The following SLC13A1 variants were observed in gnomAD, a reference collection of about 807,000 sequenced individuals.
SLC13A1 encodes Na(+)/sulfate cotransporter.
SLC13A1 carries 65 observed loss-of-function variants against 70.0 expected under a neutral mutation model. That is an observed-to-expected ratio of 0.93 (90% CI 0.76 to 1.14). The LOEUF (loss-of-function observed/expected upper bound fraction) is 1.14, where lower values mean the gene tolerates loss of function less well. Ranked by LOEUF, SLC13A1 falls within the 50% of genes most tolerant of loss-of-function variation. The pLI is 0.00. For missense variants in SLC13A1, 726 were observed against 717.8 expected, an observed-to-expected ratio of 1.01 and a Z score of -0.13; for synonymous variants, 275 against 250.5, an observed-to-expected ratio of 1.10 and a Z score of -0.92.
intron 7 of SLC13A1, among the ~76,000 whole-genome samples, chr7:123,145,429 A>G (rs900455627): frequency 2.0e-5 from 3 of 152,206 alleles, no homozygotes. Context: ...CATGTGAATG[A>G]TGGAAACCAG....
Position 123,129,372 on chromosome 7 carries a change from G to C in SLC13A1, c.1031+11C>G, listed in dbSNP as rs1363896811. The stretch of plus-strand genomic sequence containing the variant: ...TGTGTGTGTGTGTGTGTGTGTGTGT[G>C]TTTGTCTTACCTTATTGGCCCAAGC... On this transcript the variant is annotated intron_variant, in intron 9 of 14. Coordinates refer to ENST00000194130, the MANE Select transcript of SLC13A1 (RefSeq NM_022444.4). 2 of 1,217,054 alleles carry C rather than the reference G, an allele frequency of 1.6e-6. No individual in the cohort carries two copies. Among genetic ancestry groups the C allele is most frequent in the East Asian group, 5.0e-5 (2 of 39,746 alleles). 75.4% of individuals were successfully genotyped at this position (1,217,054 alleles called of 1,614,324 possible).
chr7:123,192,068 T>G (rs1323271450), intron 1 of SLC13A1, among the ~76,000 whole-genome samples: 5 of 152,168 alleles, frequency 3.3e-5, no homozygotes. Flanking sequence ...TCTCTCCTCC[T>G]TGCCTGGAAC....
chr7:123,115,825 A>T (rs28364222), intron 14 of SLC13A1, among the ~76,000 whole-genome samples, 170 bp from the exon 15 acceptor site: 1,619 of 152,312 alleles, frequency 0.011, 29 homozygotes, highest in African/African-American at 0.035. Context: ...CACAACGTGC[A>T]GGTTTGTTAC....
In SLC13A1 at chr7:123,113,664, G is replaced by A. The variant is rs1228148687; in HGVS notation, c.*1854C>T. On this transcript the variant is annotated 3_prime_UTR_variant, in exon 15 of 15. Coordinates refer to ENST00000194130, the MANE Select transcript of SLC13A1 (RefSeq NM_022444.4). ...AATACTACAGATTATAAATACATGT[G>A]TAAAATATGGTAGGGAAAGGAACAA... The A allele has an allele frequency of 1.3e-5, 2 of 152,068 alleles. No individual in the cohort carries two copies. The highest frequency in any genetic ancestry group is 4.8e-5 in the African/African-American group (2 of 41,392). The allele number at this position is 152,068 out of a possible 1,614,324, so 9.4% of individuals were successfully genotyped here. A position where few individuals can be genotyped will look rare whatever the true frequency, so the allele number is the denominator to read the frequency against.
At chr7:123,162,803 T>C (rs980333483) in intron 6 of SLC13A1, among the ~76,000 whole-genome samples, 4 of 152,128 alleles carry the variant, frequency 2.6e-5, no homozygotes, top group East Asian at 3.9e-4. Context: ...TCTTGTACAA[T>C]TGGATTTCAA....
At position 123,120,706 on chromosome 7, in the gene SLC13A1, T is replaced by A. The variant is rs575841028; in HGVS notation, c.1351-1464A>T. ...ACCAGATATCATGTGTGGTTTTGGC[T>A]TGTATTTTTGTTTATCTGCTTGTTT... On this transcript the variant is annotated intron_variant, in intron 12 of 14. Coordinates refer to ENST00000194130, the MANE Select transcript of SLC13A1 (RefSeq NM_022444.4). Among the ~76,000 whole-genome samples, 3 of 152,172 alleles carry A rather than the reference T, an allele frequency of 2.0e-5. No individual in the cohort carries two copies. In the South Asian group the frequency reaches 6.2e-4, roughly 32 times the overall value.
intron 14 of SLC13A1, 113 bp downstream of exon 14, chr7:123,117,358 C>T (rs1793213321): frequency 9.5e-7 from 1 of 1,051,068 alleles, no homozygotes; most frequent in African/African-American, 1.6e-5. Context: ...AAACAGAATT[C>T]AGGCCCTGCT....
chr7:123,130,138 GACTAA>G (rs1793706289), intron 8 of SLC13A1, among the ~76,000 whole-genome samples: 1 of 152,108 alleles, frequency 6.6e-6, no homozygotes, highest in African/African-American at 2.4e-5. Flanking sequence ...CATGGTCAGA[GACTAA>G]ACTAAGCCTA....
At chr7:123,183,293 A>C (rs879240773) in intron 1 of SLC13A1, among the ~76,000 whole-genome samples, 1 of 152,186 alleles carries the variant, frequency 6.6e-6, no homozygotes, top group Admixed American at 6.5e-5. Context: ...CAGCAGATTT[A>C]ATGTTAAAAA....
intron 6 of SLC13A1, among the ~76,000 whole-genome samples, chr7:123,164,904 A>AT (rs35310053): frequency 0.026 from 3,894 of 149,758 alleles, 127 homozygotes; most frequent in African/African-American, 0.079. Context: ...TAATATTTGT[A>AT]TTTTTTTTTT....
intron 2 of SLC13A1, among the ~76,000 whole-genome samples, chr7:123,178,583 TG>T (rs1343227744): frequency 2.0e-5 from 3 of 152,160 alleles, no homozygotes; most frequent in East Asian, 3.9e-4. Context: ...TTAAAGGACA[TG>T]ATCATAATCA....
At chr7:123,160,359 C>T (rs999638055) in intron 6 of SLC13A1, among the ~76,000 whole-genome samples, 66 of 151,376 alleles carry the variant, frequency 4.4e-4, no homozygotes, top group African/African-American at 1.5e-3. Flanking sequence ...TGAAGAGGTG[C>T]ACAGCAAAAT....
chr7:123,141,618 G>T (rs1794148783), intron 7 of SLC13A1, among the ~76,000 whole-genome samples: 1 of 151,924 alleles, frequency 6.6e-6, no homozygotes, highest in African/African-American at 2.4e-5. Flanking sequence ...CATGTTGGTT[G>T]CATATATATT....
chr7:123,172,295 CTTT>C (rs1175347601), intron 2 of SLC13A1, among the ~76,000 whole-genome samples: 3 of 152,108 alleles, frequency 2.0e-5, no homozygotes, highest in East Asian at 3.9e-4. Context: ...GCAGTCACAC[CTTT>C]ATATATTGAA....
chr7:123,123,034 T>G (rs562051348), intron 12 of SLC13A1, 92 bp downstream of exon 12: 2 of 1,017,152 alleles, frequency 2.0e-6, no homozygotes, highest in African/African-American at 3.2e-5. Context: ...AATGACAGAG[T>G]GAAATTGAAT....
Position 123,115,638 on chromosome 7 carries a change from A to G in SLC13A1, c.1668T>C (p.Gly556=), listed in dbSNP as rs769506931. 1 of 1,613,898 alleles carries G rather than the reference A, an allele frequency of 6.2e-7. No homozygotes were observed. Among genetic ancestry groups the G allele is most frequent in the South Asian group, 1.1e-5 (1 of 91,080 alleles). The change falls in exon 15 of 15, where the codon GGT becomes GGC. Residue 556 remains glycine (G), a synonymous_variant. Coordinates refer to ENST00000194130, the MANE Select transcript of SLC13A1 (RefSeq NM_022444.4). ...CCACAGCAACACCAACAATGTTGAC[A>G]CCAAGTCCAGCTTTAACCTTGAACA... ...KVIDMVKAGL[G]VNIVGVAVVM...
intron 6 of SLC13A1, among the ~76,000 whole-genome samples, chr7:123,152,745 A>G (rs535509178): frequency 6.6e-6 from 1 of 152,272 alleles, no homozygotes; most frequent in East Asian, 1.9e-4. Flanking sequence ...AAACTAATTT[A>G]CAAACGTCTC....
chr7:123,138,541 G>A (rs184937038), intron 7 of SLC13A1, among the ~76,000 whole-genome samples: 1 of 152,094 alleles, frequency 6.6e-6, no homozygotes, highest in Non-Finnish European at 1.5e-5. Flanking sequence ...TACCAACAGT[G>A]TATGAGGGTT....
intron 1 of SLC13A1, among the ~76,000 whole-genome samples, chr7:123,184,182 T>C (rs180750904): frequency 3.3e-5 from 5 of 152,154 alleles, no homozygotes; most frequent in Admixed American, 6.5e-5. Flanking sequence ...GTATTTATCA[T>C]GTACAACATG....
Sources: allele counts gnomAD v4.1 joint callset (sites outside exome capture counted in the v4.1 genomes callset), GRCh38; gene constraint gnomAD v4.1.1; transcripts MANE v1.5; gene names NCBI Gene and HGNC (gene_info 2026-07-23, HGNC 2026-07-21).